Variants in SGCD observed in about 807,000 individuals in gnomAD.
SGCD encodes sarcoglycan delta.
SGCD carries 18 observed loss-of-function variants against 36.6 expected under a neutral mutation model. The ratio of observed to expected loss-of-function variants is 0.49; its 90% CI spans 0.34 to 0.73. The LOEUF (loss-of-function observed/expected upper bound fraction) is 0.73. Ranked by LOEUF, SGCD falls within the 30% of genes least tolerant of loss-of-function variation. The pLI is 0.01. For synonymous variants in SGCD, 133 were observed against 130.6 expected, an observed-to-expected ratio of 1.02 and a Z score of -0.12; for missense variants, 387 against 346.7, an observed-to-expected ratio of 1.12 and a Z score of -0.92.
chr5:156,379,406 G>A (rs1234912543), intron 3 of SGCD, among the ~76,000 whole-genome samples: 1 of 152,162 alleles, frequency 6.6e-6, no homozygotes, highest in African/African-American at 2.4e-5. Context: ...GGAGCAGCAT[G>A]TGCAAATTCC....
intron 3 of SGCD, among the ~76,000 whole-genome samples, chr5:156,271,223 A>G (rs1766168886): frequency 6.6e-6 from 1 of 152,196 alleles, no homozygotes; most frequent in African/African-American, 2.4e-5. Context: ...GGAAGTTTAA[A>G]TTGGGATCTG....
Position 156,681,134 on chromosome 5 carries a change from C to T in SGCD, c.575+33598C>T, listed in dbSNP as rs556535501. On this transcript the variant is annotated intron_variant, in intron 7 of 8. Coordinates refer to ENST00000337851, the MANE Select transcript of SGCD (RefSeq NM_000337.6). ...CAGTAGGGGATCAGGGTGGCAGCCA[C>T]TGTCCTCTCGGCACCCAGGTTCTTG... 2.0e-5 allele frequency among the ~76,000 whole-genome samples: 3 copies of T among 152,312 alleles called. No homozygotes were observed. In the East Asian group the frequency reaches 5.8e-4, roughly 29 times the overall value.
intron 3 of SGCD, among the ~76,000 whole-genome samples, chr5:156,268,002 C>T (rs1317556018): frequency 6.6e-6 from 1 of 152,166 alleles, no homozygotes; most frequent in East Asian, 1.9e-4. Flanking sequence ...TCCACCCTCA[C>T]GTAGACCCCA....
chr5:156,359,158 C>T (rs1769645559), intron 3 of SGCD, among the ~76,000 whole-genome samples: 2 of 152,148 alleles, frequency 1.3e-5, no homozygotes, highest in African/African-American at 2.4e-5. Flanking sequence ...TATAATTACT[C>T]ATAGTGAATA....
chr5:156,494,671 AT>A (rs1444077280), intron 3 of SGCD, among the ~76,000 whole-genome samples: 2 of 152,144 alleles, frequency 1.3e-5, no homozygotes, highest in Non-Finnish European at 1.5e-5. Context: ...CACACAAATA[AT>A]AAAAAATCCA....
In SGCD at chr5:156,647,534, A is replaced by G. The variant is rs780862246; in HGVS notation, c.573A>G (p.Leu191=). The G allele has an allele frequency of 1.9e-5, 30 of 1,569,810 alleles. No homozygotes were observed. The South Asian group carries it at 3.0e-4, about 16-fold the overall frequency. Residue 191 remains leucine, a splice_region_variant and synonymous_variant, in exon 7 of 9, where the codon CTA becomes CTG. Coordinates refer to ENST00000337851, the MANE Select transcript of SGCD (RefSeq NM_000337.6). Reference sequence around the variant, plus strand: ...TCAGGGCAGACCCCTTCAAAGAACTAAGGTAAACTTCTGACTTTGGTTTGC... The same window carrying G: ...TCAGGGCAGACCCCTTCAAAGAACTGAGGTAAACTTCTGACTTTGGTTTGC... ...PNVRADPFKE[L]RLESPTRSLV...
Position 156,599,446 on chromosome 5 carries a change from T to G in SGCD, c.502+4395T>G, listed in dbSNP as rs1199196246. Among the ~76,000 whole-genome samples, 3 of 152,128 alleles carry G rather than the reference T, an allele frequency of 2.0e-5. No individual in the cohort carries two copies. In the East Asian group the frequency reaches 5.8e-4, roughly 29 times the overall value. ...ATATAAGTAAATGCTATGTAAAAAG[T>G]CAATTATTTAAGTTGATAGCAAGTT... On this transcript the variant is annotated intron_variant, in intron 6 of 8. Transcript: ENST00000337851.
chr5:156,203,433 T>C (rs1395021611), intron 3 of SGCD, among the ~76,000 whole-genome samples: 1 of 152,106 alleles, frequency 6.6e-6, no homozygotes, highest in African/African-American at 2.4e-5. Context: ...CATCAAAGGA[T>C]AGGTTTTGAG....
At chr5:156,260,004 C>A (rs528877256) in intron 3 of SGCD, among the ~76,000 whole-genome samples, 41 of 152,250 alleles carry the variant, frequency 2.7e-4, no homozygotes, top group Non-Finnish European at 5.3e-4. Flanking sequence ...TCTGTTATAG[C>A]AACACAAAAT....
intron 3 of SGCD, among the ~76,000 whole-genome samples, chr5:156,226,048 CTTTG>C (rs1417651681): frequency 6.6e-6 from 1 of 151,838 alleles, no homozygotes; most frequent in African/African-American, 2.4e-5. Flanking sequence ...CTTTTTTTAT[CTTTG>C]TTTGCTTCTT....
chr5:156,627,637 A>G (rs1338227749), intron 6 of SGCD, among the ~76,000 whole-genome samples: 2 of 152,216 alleles, frequency 1.3e-5, no homozygotes, highest in African/African-American at 4.8e-5. Context: ...TGCCCACTTT[A>G]TAGGTACAGG....
At chr5:156,036,883 A>G (rs1759512357) in intron 1 of SGCD, among the ~76,000 whole-genome samples, 1 of 152,152 alleles carries the variant, frequency 6.6e-6, no homozygotes, top group South Asian at 2.1e-4. Context: ...TAATAAATAT[A>G]GACCAAGCTT....
At chr5:155,727,907 A>C in the SGCD span, among the ~76,000 whole-genome samples, 7 of 152,148 alleles carry the variant, frequency 4.6e-5, no homozygotes, top group African/African-American at 1.4e-4. Flanking sequence ...CCGGGAGTGG[A>C]GAGGGGGCTC....
At chr5:156,148,601 G>T (rs1762762870) in intron 3 of SGCD, among the ~76,000 whole-genome samples, 1 of 152,036 alleles carries the variant, frequency 6.6e-6, no homozygotes, top group Non-Finnish European at 1.5e-5. Context: ...AACAGAATGA[G>T]GTCCAGCTGG....
chr5:156,004,450 T>C (rs915160933), intron 1 of SGCD, among the ~76,000 whole-genome samples: 4 of 152,170 alleles, frequency 2.6e-5, no homozygotes, highest in African/African-American at 9.7e-5. Flanking sequence ...TTCCATATAT[T>C]GTTTTACTGA....
chr5:155,857,687 G>A, the SGCD span, among the ~76,000 whole-genome samples: 5 of 152,094 alleles, frequency 3.3e-5, no homozygotes, highest in Admixed American at 2.6e-4. Context: ...TTATAAAGGG[G>A]CACAATTAGG....
chr5:156,314,748 AAGAGGGAAG>A (rs1767471105), intron 3 of SGCD, among the ~76,000 whole-genome samples: 1 of 152,060 alleles, frequency 6.6e-6, no homozygotes. Flanking sequence ...GAACTGGGTA[AAGAGGGAAG>A]AGAGGGAAGA....
At chr5:155,925,133 C>G (rs1756970418) in intron 1 of SGCD, among the ~76,000 whole-genome samples, 1 of 152,166 alleles carries the variant, frequency 6.6e-6, no homozygotes, top group Non-Finnish European at 1.5e-5. Flanking sequence ...ATAGTAAAAA[C>G]AATACTATGG....
chr5:156,286,513 T>C (rs1363155721), intron 3 of SGCD, among the ~76,000 whole-genome samples: 1 of 152,214 alleles, frequency 6.6e-6, no homozygotes, highest in Admixed American at 6.5e-5. Context: ...GATGAGTTCA[T>C]GTCCTTTGTA....
Sources: gnomAD v4.1 joint callset for allele counts (sites outside exome capture counted in the v4.1 genomes callset) on GRCh38, gnomAD v4.1.1 for gene constraint, MANE v1.5 for transcripts, NCBI Gene and HGNC (gene_info 2026-07-23, HGNC 2026-07-21) for gene names.